CTTNBP2NL: variants seen among roughly 807,000 people sequenced by gnomAD.
CTTNBP2NL encodes the protein CTTNBP2 N-terminal like.
CTTNBP2NL carries 16 observed loss-of-function variants against 32.5 expected under a neutral mutation model. The observed-to-expected ratio is 0.49, with a 90% CI of 0.33 to 0.75. The LOEUF is 0.75. Among genes scored for constraint, CTTNBP2NL ranks in the 30% least tolerant of loss-of-function variants. CTTNBP2NL has a pLI of 0.02. For missense variants in CTTNBP2NL, 645 were observed against 756.0 expected (o/e 0.85, Z 1.72); for synonymous variants, 298 against 289.4 (o/e 1.03, Z -0.30).
upstream of CTTNBP2NL, among the ~76,000 whole-genome samples, chr1:112,393,089 C>T (rs1177028319): frequency 6.6e-6 from 1 of 152,096 alleles, no homozygotes; most frequent in African/African-American, 2.4e-5. Context: ...AACTCCTGAC[C>T]TCAGGTGATC....
At chr1:112,393,155 T>C (rs2100983936), upstream of CTTNBP2NL, among the ~76,000 whole-genome samples, 1 of 151,980 alleles carries the variant, frequency 6.6e-6, no homozygotes, top group Non-Finnish European at 1.5e-5. Flanking sequence ...ACTGCACTCG[T>C]CCAACACCCT....
chr1:112,420,858 A>G (rs114514086), intron 3 of CTTNBP2NL, among the ~76,000 whole-genome samples: 1,912 of 152,310 alleles, frequency 0.013, 44 homozygotes, highest in African/African-American at 0.044. Flanking sequence ...CTTCAAAACC[A>G]TCAACCAGAA....
chr1:112,418,745 C>G (rs1649140146), intron 3 of CTTNBP2NL, among the ~76,000 whole-genome samples: 1 of 152,054 alleles, frequency 6.6e-6, no homozygotes. Context: ...TCATTAATTC[C>G]AAGCAAATCT....
At chr1:112,397,035 T>G (rs1021945781) in intron 1 of CTTNBP2NL, among the ~76,000 whole-genome samples, 1 of 152,234 alleles carries the variant, frequency 6.6e-6, no homozygotes, top group Admixed American at 6.5e-5. Context: ...TTGCGTTTCA[T>G]TTTTCCTTTT....
At chr1:112,398,933 T>G (rs1281593449) in intron 1 of CTTNBP2NL, among the ~76,000 whole-genome samples, 1 of 152,046 alleles carries the variant, frequency 6.6e-6, no homozygotes, top group Non-Finnish European at 1.5e-5. Flanking sequence ...TGCTAATCAT[T>G]TTAGGATTTT....
chr1:112,457,651 C>T lies in CTTNBP2NL; in HGVS notation c.*239C>T, dbSNP rs374850342. The T allele has an allele frequency of 1.0e-4, 46 of 443,908 alleles. No homozygotes were observed. Among genetic ancestry groups the T allele is most frequent in the African/African-American group, 8.1e-4 (41 of 50,446 alleles). 27.5% of individuals were successfully genotyped at this position (443,908 alleles called of 1,614,324 possible). ...CACCTCAAAGATGTCTCAAGCTCAG[C>T]AGTCACCGTCATGTTGTGATGAAGA... On this transcript the variant is annotated 3_prime_UTR_variant, in exon 6 of 6. Transcript: ENST00000271277.
rs1281432154 is a variant in CTTNBP2NL, at chr1:112,449,035, A to C, written c.193A>C (p.Lys65Gln). ...MALQRDFETL[K>Q]EKNDGEKQPV... ...TCTACAGAGAGATTTTGAAACACTG[A>C]AGGAGAAAAATGATGGCGAAAAGCA... Residue 65 changes from lysine (K) to glutamine (Q), a missense_variant, in exon 4 of 6, where the codon AAG becomes CAG. By Grantham distance (53) the Lys-to-Gln change is moderately conservative. Coordinates refer to ENST00000271277, the MANE Select transcript of CTTNBP2NL (RefSeq NM_018704.3). 1.2e-6 allele frequency: 2 copies of C among 1,612,356 alleles called. No homozygotes were observed. The highest frequency in any genetic ancestry group is 1.7e-6 in the Non-Finnish European group (2 of 1,178,446).
chr1:112,416,069 T>G (rs1267027574), intron 2 of CTTNBP2NL, 88 bp from the exon 3 acceptor site: 1 of 740,046 alleles, frequency 1.4e-6, no homozygotes, highest in Non-Finnish European at 2.4e-6. Context: ...GATACTATAA[T>G]TGCTCTTATC....
At chr1:112,425,928 TTTAC>T (rs776723642) in intron 3 of CTTNBP2NL, among the ~76,000 whole-genome samples, 24 of 151,320 alleles carry the variant, frequency 1.6e-4, no homozygotes, top group Non-Finnish European at 2.8e-4. Flanking sequence ...TAAGGACAGT[TTTAC>T]TTACTTCTTT....
rs1650361861 is a variant in CTTNBP2NL, at chr1:112,456,338, G to A, written c.846G>A (p.Gln282=). 6.2e-7 allele frequency: 1 copy of A among 1,614,012 alleles called. No homozygotes were observed. Among genetic ancestry groups the A allele is most frequent in the South Asian group, 1.1e-5 (1 of 91,082 alleles). The change falls in exon 6 of 6, where the codon CAG becomes CAA. Residue 282 remains glutamine (Q), a synonymous_variant. Transcript: ENST00000271277. ...KIVKDLEASH[Q]HSSPNEQLKK... is the part of the protein sequence containing the mutation. ...TGAAGGACCTAGAGGCTTCCCACCA[G>A]CACAGTAGCCCTAATGAGCAATTGA... is the stretch of plus-strand genomic sequence containing the variant.
intron 1 of CTTNBP2NL, among the ~76,000 whole-genome samples, chr1:112,409,814 C>T (rs1648799556): frequency 2.0e-5 from 3 of 152,098 alleles, no homozygotes; most frequent in Admixed American, 6.6e-5. Flanking sequence ...AAGTGGAGCT[C>T]GGATAGTATC....
chr1:112,427,576 T>G (rs1759688), intron 3 of CTTNBP2NL, among the ~76,000 whole-genome samples: 1 of 151,964 alleles, frequency 6.6e-6, no homozygotes, highest in South Asian at 2.1e-4. Context: ...ACATAGTTAT[T>G]TTGATCTAGC....
chr1:112,442,500 A>G (rs1393928589), intron 3 of CTTNBP2NL, among the ~76,000 whole-genome samples: 2 of 152,048 alleles, frequency 1.3e-5, no homozygotes, highest in Admixed American at 1.3e-4. Flanking sequence ...TTTCTTCCCC[A>G]CCTCAAAAAG....
chr1:112,459,129 C>G lies in CTTNBP2NL; in HGVS notation c.*1717C>G, dbSNP rs112335044. On this transcript the variant is annotated 3_prime_UTR_variant, in exon 6 of 6. Transcript: ENST00000271277. Reference sequence around the variant, plus strand: ...TTAAATGGTGCTGGTTAAACAAACACGTCTGCAGCTGGATTTAGCTTGCAA... The same window carrying G: ...TTAAATGGTGCTGGTTAAACAAACAGGTCTGCAGCTGGATTTAGCTTGCAA... The G allele has an allele frequency of 1.3e-5, 2 of 152,188 alleles. No homozygotes were observed. Among genetic ancestry groups the G allele is most frequent in the African/African-American group, 4.8e-5 (2 of 41,438 alleles). The allele number at this position is 152,188 out of a possible 1,614,324, so 9.4% of individuals were successfully genotyped here.
At chr1:112,396,728 G>A (rs1648342664) in intron 1 of CTTNBP2NL, 1 of 152,274 alleles carries the variant, frequency 6.6e-6, no homozygotes, top group African/African-American at 2.4e-5. Flanking sequence ...TTCCCAAAAA[G>A]GAGGGATGGG....
rs140446265 is a variant in CTTNBP2NL at position 112,441,487 on chromosome 1, C to T, written c.100-7455C>T. 3.3e-3 allele frequency among the ~76,000 whole-genome samples: 506 copies of T among 152,200 alleles called. 3 individuals carry two copies. The highest frequency in any genetic ancestry group is 9.4e-3 in the African/African-American group (389 of 41,544). ...GATTATTTCTAGTTTGGGGCTATTA[C>T]GAATAAAGCTGCTATAGCAGCTTTA... On this transcript the variant is annotated intron_variant, in intron 3 of 5. Transcript: ENST00000271277.
intron 1 of CTTNBP2NL, among the ~76,000 whole-genome samples, chr1:112,406,020 C>G (rs915207003): frequency 1.9e-4 from 29 of 151,716 alleles, no homozygotes; most frequent in Admixed American, 1.3e-3. Flanking sequence ...CCTGTCTCTA[C>G]TAAAAATAGA....
At chr1:112,438,389 G>C (rs1175800924) in intron 3 of CTTNBP2NL, among the ~76,000 whole-genome samples, 3 of 152,090 alleles carry the variant, frequency 2.0e-5, no homozygotes, top group Non-Finnish European at 4.4e-5. Flanking sequence ...TTTGTATGTT[G>C]ATTTTGTATC....
At chr1:112,407,199 G>A (rs554429520) in intron 1 of CTTNBP2NL, among the ~76,000 whole-genome samples, 3 of 152,252 alleles carry the variant, frequency 2.0e-5, no homozygotes, top group Non-Finnish European at 4.4e-5. Flanking sequence ...TAAGAGGAAG[G>A]CTTAGATCCC....
Sources: gnomAD v4.1 joint callset for allele counts (sites outside exome capture counted in the v4.1 genomes callset) on GRCh38, gnomAD v4.1.1 for gene constraint, MANE v1.5 for transcripts, NCBI Gene and HGNC (gene_info 2026-07-23, HGNC 2026-07-21) for gene names.